Variants in ANO6 observed in about 807,000 individuals in gnomAD.
ANO6 encodes the protein anoctamin 6, also known as anoctamin-6.
A neutral mutation model predicts 117.5 loss-of-function variants in ANO6; 106 were observed. The ratio of observed to expected loss-of-function variants is 0.90; its 90% CI spans 0.77 to 1.06. The LOEUF is 1.06. ANO6 is among the 50% of genes least tolerant of loss of function. The pLI, the probability that ANO6 is intolerant of heterozygous loss-of-function variation, is 0.00. For missense variants in ANO6, 955 were observed against 1,121.1 expected (o/e 0.85, Z 2.12); for synonymous variants, 367 against 385.1 (o/e 0.95, Z 0.55).
chr12:45,378,472 G>T (rs1942087551), intron 10 of ANO6, among the ~76,000 whole-genome samples: 1 of 152,104 alleles, frequency 6.6e-6, no homozygotes, highest in Non-Finnish European at 1.5e-5. Context: ...GTGGGGCTCG[G>T]CTGGGAAGGC....
intron 9 of ANO6, among the ~76,000 whole-genome samples, chr12:45,372,020 G>A (rs1941854642): frequency 6.6e-6 from 1 of 152,104 alleles, no homozygotes; most frequent in South Asian, 2.1e-4. Flanking sequence ...GCTTAAAGGA[G>A]CTGATGGAGC....
chr12:45,224,296 A>G (rs767504258), intron 1 of ANO6, among the ~76,000 whole-genome samples: 19 of 152,314 alleles, frequency 1.2e-4, no homozygotes, highest in Middle Eastern at 6.8e-3. Context: ...GAGTGTTTCT[A>G]AAGGCATGAT....
intron 11 of ANO6, among the ~76,000 whole-genome samples, chr12:45,389,045 A>G (rs1364282074): frequency 1.3e-5 from 2 of 152,252 alleles, no homozygotes; most frequent in African/African-American, 4.8e-5. Flanking sequence ...AGTCATCAGC[A>G]TAAGAACAGT....
intron 1 of ANO6, among the ~76,000 whole-genome samples, chr12:45,227,581 G>T (rs1947504081): frequency 6.6e-6 from 1 of 151,726 alleles, no homozygotes; most frequent in Non-Finnish European, 1.5e-5. Context: ...ACTTATGAGG[G>T]CAGTTACATT....
chr12:45,277,134 TTC>T (rs1459796218), intron 1 of ANO6, among the ~76,000 whole-genome samples: 2 of 152,194 alleles, frequency 1.3e-5, no homozygotes, highest in African/African-American at 4.8e-5. Context: ...CCCCCTTCCC[TTC>T]TCTCACAAAC....
At chr12:45,378,770 G>T (rs765232393) in intron 10 of ANO6, among the ~76,000 whole-genome samples, 2 of 152,090 alleles carry the variant, frequency 1.3e-5, no homozygotes, top group Non-Finnish European at 2.9e-5. Flanking sequence ...CTTTTATGGG[G>T]GTGGAGATCA....
At chr12:45,253,715 TGAG>T (rs1164132469) in intron 1 of ANO6, among the ~76,000 whole-genome samples, 4 of 152,222 alleles carry the variant, frequency 2.6e-5, no homozygotes, top group African/African-American at 9.6e-5. Context: ...ATCTGTAAAA[TGAG>T]GAGTTTAGGC....
At position 45,409,398 on chromosome 12, in the gene ANO6, G is replaced by C. The variant is rs1232294860; in HGVS notation, c.1922G>C (p.Gly641Ala). 6.2e-7 allele frequency: 1 copy of C among 1,613,982 alleles called. No homozygotes were observed. The highest frequency in any genetic ancestry group is 8.5e-7 in the Non-Finnish European group (1 of 1,179,924). ...ATTGGGCGATTTCACAGAGTTTCTG[G>C]ATCAGAAAAGATAACCCCACGATGG... is the stretch of plus-strand genomic sequence containing the variant. ...NLIGRFHRVS[G>A]SEKITPRWEQ... The change falls in exon 16 of 20, where the codon GGA becomes GCA. Residue 641 changes from glycine to alanine, a missense_variant. Transcript: ENST00000320560.
At chr12:45,393,603 G>A (rs779025830) in intron 12 of ANO6, among the ~76,000 whole-genome samples, 14 of 152,154 alleles carry the variant, frequency 9.2e-5, no homozygotes, top group African/African-American at 2.4e-4. Flanking sequence ...GAGAAAGGCC[G>A]AGTTACCCAC....
chr12:45,325,854 G>GT (rs1940442484), intron 2 of ANO6, among the ~76,000 whole-genome samples: 3 of 152,070 alleles, frequency 2.0e-5, no homozygotes, highest in Admixed American at 2.0e-4. Context: ...AAAAGATTCA[G>GT]TAAGAGTCCT....
chr12:45,237,520 G>A (rs1176723190), intron 1 of ANO6, among the ~76,000 whole-genome samples: 2 of 152,206 alleles, frequency 1.3e-5, no homozygotes, highest in South Asian at 4.1e-4. Context: ...GTTTGTCAAA[G>A]ATCAGTTGGT....
At chr12:45,278,740 C>T (rs1298626691) in intron 1 of ANO6, among the ~76,000 whole-genome samples, 1 of 152,146 alleles carries the variant, frequency 6.6e-6, no homozygotes, top group African/African-American at 2.4e-5. Flanking sequence ...GTTAGATGCC[C>T]TCTCAGTGTC....
intron 1 of ANO6, among the ~76,000 whole-genome samples, chr12:45,297,456 T>G (rs1939332291): frequency 1.3e-5 from 2 of 152,250 alleles, no homozygotes; most frequent in African/African-American, 4.8e-5. Flanking sequence ...TATATAAGTC[T>G]CAAACAACTT....
intron 3 of ANO6, among the ~76,000 whole-genome samples, chr12:45,336,676 T>TTAA (rs1194556648): frequency 6.6e-6 from 1 of 152,082 alleles, no homozygotes; most frequent in Non-Finnish European, 1.5e-5. Flanking sequence ...TACCGAACGC[T>TTAA]TGTTAATGGT....
intron 10 of ANO6, among the ~76,000 whole-genome samples, chr12:45,379,221 T>C (rs936804983): frequency 6.6e-6 from 1 of 152,252 alleles, no homozygotes; most frequent in African/African-American, 2.4e-5. Flanking sequence ...GAATCAGTTA[T>C]TTACGGTGTC....
chr12:45,282,121 TTATGCAGAC>T (rs1275404235), intron 1 of ANO6, among the ~76,000 whole-genome samples: 10 of 152,274 alleles, frequency 6.6e-5, no homozygotes, highest in African/African-American at 2.4e-4. Context: ...GGGTTACCAT[TTATGCAGAC>T]AAGAAATATT....
chr12:45,329,555 C>T (rs1484594593), intron 2 of ANO6, among the ~76,000 whole-genome samples: 1 of 152,224 alleles, frequency 6.6e-6, no homozygotes, highest in South Asian at 2.1e-4. Flanking sequence ...GAGCCATGTA[C>T]AGATGTGGTT....
At chr12:45,290,911 A>C in intron 1 of ANO6, among the ~76,000 whole-genome samples, 1 of 152,202 alleles carries the variant, frequency 6.6e-6, no homozygotes, top group African/African-American at 2.4e-5. Flanking sequence ...TACAGTGATC[A>C]AAATAGTGTG....
intron 16 of ANO6, among the ~76,000 whole-genome samples, chr12:45,410,532 C>T (rs527654942): frequency 1.3e-5 from 2 of 152,202 alleles, no homozygotes; most frequent in African/African-American, 2.4e-5. Context: ...GGAAACACCA[C>T]CTTTTGTATT....
Sources: allele counts gnomAD v4.1 joint callset (sites outside exome capture counted in the v4.1 genomes callset), GRCh38; gene constraint gnomAD v4.1.1; transcripts MANE v1.5; gene names NCBI Gene and HGNC (gene_info 2026-07-23, HGNC 2026-07-21).